Variants in ATG101 observed in about 807,000 individuals in gnomAD.
The protein encoded by ATG101 is autophagy related 101, also known as autophagy-related protein 101.
Under a neutral mutation model 16.7 loss-of-function variants are expected in ATG101, and 6 were observed. The observed-to-expected ratio is 0.36, with a 90% CI of 0.20 to 0.71. ATG101 has a LOEUF of 0.71. ATG101 is among the 30% of genes least tolerant of loss of function. The pLI is 0.57. For synonymous variants in ATG101, 108 were observed against 118.1 expected, an observed-to-expected ratio of 0.91 and a Z score of 0.56; for missense variants, 200 against 292.5, an observed-to-expected ratio of 0.68 and a Z score of 2.31.
At chr12:52,066,008 G>T (rs555604067), upstream of ATG101, among the ~76,000 whole-genome samples, 3 of 152,274 alleles carry the variant, frequency 2.0e-5, no homozygotes, top group Non-Finnish European at 4.4e-5. Context: ...CTCCTGAGTA[G>T]CTGGGATTAC....
chr12:52,069,137 A>C (rs1422478727), upstream of ATG101: 1 of 152,174 alleles, frequency 6.6e-6, no homozygotes, highest in Non-Finnish European at 1.5e-5. Flanking sequence ...ACAGCACTAA[A>C]AATACACTTG....
intron 2 of ATG101, among the ~76,000 whole-genome samples, chr12:52,072,199 A>G (rs1939661076): frequency 6.6e-6 from 1 of 152,214 alleles, no homozygotes; most frequent in Non-Finnish European, 1.5e-5. Context: ...TCTCTTTTGT[A>G]TATGTGGCAG....
intron 2 of ATG101, chr12:52,070,867 C>G (rs998801723): frequency 6.6e-6 from 1 of 152,212 alleles, no homozygotes; most frequent in African/African-American, 2.4e-5. Context: ...GGGAAGAAAA[C>G]TGCTGGATGG....
intron 2 of ATG101, chr12:52,071,178 C>T (rs934325728): frequency 1.3e-5 from 2 of 151,376 alleles, no homozygotes; most frequent in East Asian, 3.9e-4. Flanking sequence ...CAGAGCTGGC[C>T]TGATCTCTGT....
chr12:52,076,168 A>G (rs140091595), intron 3 of ATG101, among the ~76,000 whole-genome samples: 104 of 152,302 alleles, frequency 6.8e-4, no homozygotes, highest in African/African-American at 2.5e-3. Context: ...TTTAAAAAAT[A>G]TCAAAAGAAT....
At chr12:52,076,123 C>T (rs1939726113) in intron 3 of ATG101, among the ~76,000 whole-genome samples, 1 of 151,994 alleles carries the variant, frequency 6.6e-6, no homozygotes, top group Admixed American at 6.6e-5. Flanking sequence ...GCTCCACTGC[C>T]CTCCAGCCTG....
chr12:52,077,294 T>G lies in ATG101; in HGVS notation c.*104T>G. The G allele has an allele frequency of 1.5e-6, 2 of 1,342,764 alleles. No homozygotes were observed. Among genetic ancestry groups the G allele is most frequent in the Non-Finnish European group, 1.0e-6 (1 of 987,966 alleles). 83.2% of individuals were successfully genotyped at this position (1,342,764 alleles called of 1,614,324 possible). On this transcript the variant is annotated 3_prime_UTR_variant, in exon 4 of 4. Transcript: ENST00000336854. ...TCTGGAACCTGCTCTGGGTCATTGG[T>G]GAGACTTGGAAGGGGCAGCCCCCGC...
intron 2 of ATG101, among the ~76,000 whole-genome samples, 155 bp from the exon 3 acceptor site, chr12:52,073,420 T>C (rs1018052516): frequency 2.2e-4 from 34 of 152,258 alleles, no homozygotes; most frequent in Admixed American, 1.3e-4. Context: ...TCTTGCACTT[T>C]CTGATCCTGA....
intron 2 of ATG101, among the ~76,000 whole-genome samples, chr12:52,073,080 T>C (rs1939675372): frequency 6.6e-6 from 1 of 152,244 alleles, no homozygotes; most frequent in African/African-American, 2.4e-5. Context: ...AGGTACTTTT[T>C]TGATGCACAG....
intron 3 of ATG101, among the ~76,000 whole-genome samples, chr12:52,074,913 CACGCTACTGT>C (rs1412567762): frequency 2.6e-5 from 4 of 152,124 alleles, no homozygotes; most frequent in Admixed American, 1.3e-4. Context: ...GAGCCATGAT[CACGCTACTGT>C]ACTCCAGCAT....
intron 2 of ATG101, among the ~76,000 whole-genome samples, chr12:52,072,326 T>C (rs548649967): frequency 6.6e-6 from 1 of 152,342 alleles, no homozygotes; most frequent in South Asian, 2.1e-4. Flanking sequence ...TCTACTGTAT[T>C]TTACATGTGT....
upstream of ATG101, chr12:52,069,805 AG>A (rs1437094638): frequency 1.3e-5 from 2 of 152,178 alleles, no homozygotes; most frequent in African/African-American, 4.8e-5. Flanking sequence ...TAACCACGAA[AG>A]GAGCAGCCCC....
chr12:52,071,266 T>C lies in ATG101; in HGVS notation c.-77+783T>C, dbSNP rs541807136. On this transcript the variant is annotated intron_variant, in intron 2 of 3. Coordinates refer to ENST00000336854, the MANE Select transcript of ATG101 (RefSeq NM_021934.5). ...GGCAGACACAAACTGAAATATACTT[T>C]TTATATTCACCATCTGTCAACCAGA... 2.0e-5 allele frequency: 3 copies of C among 152,308 alleles called. No individual in the cohort carries two copies. In the South Asian group the frequency reaches 6.2e-4, roughly 32 times the overall value. 9.4% of individuals were successfully genotyped at this position (152,308 alleles called of 1,614,324 possible).
chr12:52,073,620 C>G lies in ATG101; in HGVS notation c.-31C>G, dbSNP rs1267558624. ...AAGATCCCCTGTCTTTATCCTAGTT[C>G]CACACCTTGGTGTGGGTTACTGGGT... On this transcript the variant is annotated 5_prime_UTR_variant, in exon 3 of 4. Transcript: ENST00000336854. 5 of 1,600,828 alleles carry G rather than the reference C, an allele frequency of 3.1e-6. No homozygotes were observed. Among genetic ancestry groups the G allele is most frequent in the Middle Eastern group, 3.7e-4 (2 of 5,410 alleles).
chr12:52,068,852 G>A (rs1592315177), upstream of ATG101, among the ~76,000 whole-genome samples: 1 of 151,766 alleles, frequency 6.6e-6, no homozygotes, highest in East Asian at 1.9e-4. Flanking sequence ...TTAGCCGGGC[G>A]TGGTGGTGGG....
rs993514519 is a variant in ATG101, at chr12:52,076,859, G to A, written c.326G>A (p.Arg109His). ...SLEFYQKKKS[R>H]WPFSDECIPW... ...GAGTTCTACCAGAAGAAGAAGTCTC[G>A]CTGGCCATTCTCAGACGAGTGCATC... Residue 109 changes from arginine (R) to histidine (H), a missense_variant, in exon 4 of 4, where the codon CGC becomes CAC. Arg to His is a conservative substitution (Grantham distance 29, BLOSUM62 0). Coordinates refer to ENST00000336854, the MANE Select transcript of ATG101 (RefSeq NM_021934.5). 5 of 1,614,142 alleles carry A rather than the reference G, an allele frequency of 3.1e-6. No individual in the cohort carries two copies. Among genetic ancestry groups the A allele is most frequent in the Middle Eastern group, 1.6e-4 (1 of 6,062 alleles).
At chr12:52,071,307 T>C (rs1332173295) in intron 2 of ATG101, 1 of 152,172 alleles carries the variant, frequency 6.6e-6, no homozygotes, top group African/African-American at 2.4e-5. Flanking sequence ...GAAATATACT[T>C]AGAGGAGAGC....
upstream of ATG101, among the ~76,000 whole-genome samples, chr12:52,065,748 G>A (rs548399063): frequency 6.6e-6 from 1 of 152,326 alleles, no homozygotes; most frequent in South Asian, 2.1e-4. Context: ...GGAGGAAAGA[G>A]CAGCTGCATG....
Position 52,074,315 on chromosome 12 carries a change from G to A in ATG101, c.252+413G>A, listed in dbSNP as rs75646574. 2.4e-3 allele frequency among the ~76,000 whole-genome samples: 362 copies of A among 152,234 alleles called. 3 individuals are homozygous for A. The highest frequency in any genetic ancestry group is 8.4e-3 in the African/African-American group (349 of 41,526). On this transcript the variant is annotated intron_variant, in intron 3 of 3. Transcript: ENST00000336854. The stretch of plus-strand genomic sequence containing the variant: ...GGTTCAGGTGGCTGCCATCCAAGAT[G>A]GGAGTGTCCCTTTTGGTGGTGTGGC...
Sources: gnomAD v4.1 joint callset for allele counts (sites outside exome capture counted in the v4.1 genomes callset) on GRCh38, gnomAD v4.1.1 for gene constraint, MANE v1.5 for transcripts, NCBI Gene and HGNC (gene_info 2026-07-23, HGNC 2026-07-21) for gene names.